Variants in ESRRG observed in about 807,000 individuals in gnomAD.
ESRRG encodes the protein estrogen related receptor gamma.
A neutral mutation model predicts 44.0 loss-of-function variants in ESRRG; 13 were observed. The observed-to-expected ratio is 0.30, with a 90% CI of 0.19 to 0.47. ESRRG has a LOEUF of 0.47. ESRRG is among the 20% of genes least tolerant of loss of function. The pLI is 1.00. For missense variants in ESRRG, 395 were observed against 580.6 expected, an observed-to-expected ratio of 0.68 and a Z score of 3.29; for synonymous variants, 215 against 214.6, an observed-to-expected ratio of 1.00 and a Z score of -0.02.
At chr1:217,047,062 G>A (rs1244160133) in intron 1 of ESRRG, among the ~76,000 whole-genome samples, 1 of 151,988 alleles carries the variant, frequency 6.6e-6, no homozygotes, top group South Asian at 2.1e-4. Context: ...ATGGGAGAAG[G>A]AGTACTAATC....
intron 1 of ESRRG, among the ~76,000 whole-genome samples, chr1:216,713,062 T>C (rs2083972141): frequency 6.6e-6 from 1 of 152,182 alleles, no homozygotes; most frequent in African/African-American, 2.4e-5. Context: ...CTTAATCGAA[T>C]ACTATTGATT....
Position 216,997,253 on chromosome 1 carries a change from C to T in ESRRG, c.-105-57580G>A, listed in dbSNP as rs12066856. Reference sequence around the variant, plus strand: ...TAAAGTCATTCTAAATTGATTCCCTCGGTATAATGAGCCCCTCTTGATAAC... The same window carrying T: ...TAAAGTCATTCTAAATTGATTCCCTTGGTATAATGAGCCCCTCTTGATAAC... On this transcript the variant is annotated intron_variant, in intron 1 of 7. Transcript: ENST00000359162. Among the ~76,000 whole-genome samples the T allele has an allele frequency of 3.9e-3, 595 of 152,326 alleles. 4 individuals carry two copies. The highest frequency in any genetic ancestry group is 0.014 in the African/African-American group (564 of 41,574).
intron 1 of ESRRG, among the ~76,000 whole-genome samples, chr1:217,003,592 A>AATTAAT (rs1257116475): frequency 6.8e-6 from 1 of 148,148 alleles, no homozygotes; most frequent in East Asian, 2.0e-4. Context: ...TATTAATATT[A>AATTAAT]ATTAATATTA....
At chr1:216,691,932 A>G (rs965663989) in intron 1 of ESRRG, among the ~76,000 whole-genome samples, 1 of 152,216 alleles carries the variant, frequency 6.6e-6, no homozygotes, top group Non-Finnish European at 1.5e-5. Flanking sequence ...TATTACTCAC[A>G]TGTTTTTGGT....
At chr1:216,734,175 G>T (rs983502587) in intron 2 of ESRRG, among the ~76,000 whole-genome samples, 2 of 152,004 alleles carry the variant, frequency 1.3e-5, no homozygotes, top group Non-Finnish European at 2.9e-5. Flanking sequence ...TAAACTTCTT[G>T]ATGGCCTTTA....
At chr1:217,039,907 A>G (rs1222439425) in intron 1 of ESRRG, among the ~76,000 whole-genome samples, 1 of 152,136 alleles carries the variant, frequency 6.6e-6, no homozygotes, top group Non-Finnish European at 1.5e-5. Flanking sequence ...TCACAAAGTA[A>G]TCAACATAAC....
At chr1:216,716,119 GT>G (rs1173352002) in intron 1 of ESRRG, among the ~76,000 whole-genome samples, 2 of 152,014 alleles carry the variant, frequency 1.3e-5, no homozygotes, top group African/African-American at 2.4e-5. Flanking sequence ...GATTGTCCGT[GT>G]TCCTTTGGAT....
At chr1:217,045,736 G>A (rs1386914111) in intron 1 of ESRRG, among the ~76,000 whole-genome samples, 4 of 151,972 alleles carry the variant, frequency 2.6e-5, no homozygotes, top group Non-Finnish European at 5.9e-5. Context: ...ATCAGGGAAT[G>A]TAATACATCT....
At chr1:216,797,403 C>A (rs1559676042) in intron 2 of ESRRG, among the ~76,000 whole-genome samples, 1 of 152,118 alleles carries the variant, frequency 6.6e-6, no homozygotes, top group Non-Finnish European at 1.5e-5. Context: ...TCACCAAATA[C>A]CTTCTCAGTT....
intron 5 of ESRRG, among the ~76,000 whole-genome samples, chr1:216,532,514 G>A (rs1008858390): frequency 5.9e-5 from 9 of 152,126 alleles, no homozygotes; most frequent in Non-Finnish European, 1.0e-4. Context: ...CACTATTGCC[G>A]ACGCAGCAAG....
chr1:216,677,306 G>C lies in ESRRG; in HGVS notation c.242C>G (p.Ser81Trp). ...AGGAGCAGAAGGGTAGAGAGGTGGC[G>C]AGTCAAGTCCGTTCTGATGGCCATT... The part of the protein sequence containing the change: ...TMNGHQNGLD[S>W]PPLYPSAPIL... The change falls in exon 2 of 7, where the codon TCG (serine) becomes TGG (tryptophan). Residue 81 changes from serine (S) to tryptophan (W), a missense_variant. By Grantham distance (177) the Ser-to-Trp change is radical. Around this residue, in one of 5 missense-constraint regions of ESRRG, gnomAD observed 148 missense variants for 150.4 expected, o/e 0.98. Coordinates refer to ENST00000408911, the MANE Select transcript of ESRRG (RefSeq NM_001438.4). 6.2e-7 allele frequency: 1 copy of C among 1,614,130 alleles called. No homozygotes were observed. Among genetic ancestry groups the C allele is most frequent in the Non-Finnish European group, 8.5e-7 (1 of 1,180,028 alleles).
intron 1 of ESRRG, among the ~76,000 whole-genome samples, chr1:217,066,605 C>T (rs1352689013): frequency 1.3e-5 from 2 of 152,110 alleles, no homozygotes; most frequent in Non-Finnish European, 2.9e-5. Context: ...TTTAAGCTAC[C>T]TACTTTCTCT....
At chr1:216,906,284 A>T (rs551745819) in intron 2 of ESRRG, among the ~76,000 whole-genome samples, 1 of 152,340 alleles carries the variant, frequency 6.6e-6, no homozygotes, top group Admixed American at 6.5e-5. Context: ...AACTAAAATC[A>T]ATGTGCTGCT....
At chr1:216,516,636 TACACACACAC>T (rs779496209) in intron 6 of ESRRG, among the ~76,000 whole-genome samples, 2 of 130,374 alleles carry the variant, frequency 1.5e-5, no homozygotes, top group Non-Finnish European at 3.2e-5. Flanking sequence ...CACACACACA[TACACACACAC>T]ACACACACAC....
chr1:217,106,866 A>G (rs1426204283), intron 1 of ESRRG, among the ~76,000 whole-genome samples: 3 of 152,206 alleles, frequency 2.0e-5, no homozygotes, highest in African/African-American at 7.2e-5. Flanking sequence ...GGCAAACAAT[A>G]GATTCTGCCT....
At position 216,756,785 on chromosome 1, in the gene ESRRG, T is replaced by C. The variant is rs189963647; in HGVS notation, c.-13-79294A>G. On this transcript the variant is annotated intron_variant, in intron 2 of 7. Coordinates refer to the ESRRG transcript ENST00000359162. Reference sequence around the variant, plus strand: ...ACTCTCATTATATTCTATCATGTAATAGAAAAGTTGTACACTTTAAATGTG... The same window carrying C: ...ACTCTCATTATATTCTATCATGTAACAGAAAAGTTGTACACTTTAAATGTG... Among the ~76,000 whole-genome samples the C allele has an allele frequency of 4.6e-5, 7 of 152,208 alleles. No individual in the cohort carries two copies. The East Asian group carries it at 9.7e-4, about 21-fold the overall frequency.
At chr1:216,721,477 T>C (rs2086265945) in intron 1 of ESRRG, among the ~76,000 whole-genome samples, 1 of 152,244 alleles carries the variant, frequency 6.6e-6, no homozygotes, top group Non-Finnish European at 1.5e-5. Context: ...AATAAATCTG[T>C]ATTTTTTAAA....
intron 2 of ESRRG, among the ~76,000 whole-genome samples, chr1:216,768,477 T>TCTATCTAC (rs1178861478): frequency 6.7e-6 from 1 of 149,634 alleles, no homozygotes; most frequent in East Asian, 2.0e-4. Flanking sequence ...TATCTATCTA[T>TCTATCTAC]CTATCTATCT....
At chr1:216,593,755 G>T (rs1402814180) in intron 3 of ESRRG, among the ~76,000 whole-genome samples, 1 of 152,120 alleles carries the variant, frequency 6.6e-6, no homozygotes, top group African/African-American at 2.4e-5. Flanking sequence ...GTGTGTGTTG[G>T]GGGGAACAGT....
Sources: allele counts gnomAD v4.1 joint callset (sites outside exome capture counted in the v4.1 genomes callset), GRCh38; gene constraint gnomAD v4.1.1; regional missense constraint gnomAD v4.1.1; transcripts MANE v1.5; gene names NCBI Gene and HGNC (gene_info 2026-07-23, HGNC 2026-07-21).